The following CIBAR2 variants were observed in gnomAD, a reference collection of about 807,000 sequenced individuals.
CIBAR2 encodes CBY1 interacting BAR domain containing 2.
CIBAR2 carries 38 observed loss-of-function variants against 36.2 expected under a neutral mutation model. That is an observed-to-expected ratio of 1.05 (90% CI 0.81 to 1.38). The LOEUF is 1.38. Ranked by LOEUF, CIBAR2 falls within the 40% of genes most tolerant of loss-of-function variation. The pLI is 0.00. For synonymous variants in CIBAR2, 182 were observed against 149.5 expected (o/e 1.22, Z -1.58); for missense variants, 481 against 383.4 (o/e 1.25, Z -2.13).
intron 6 of CIBAR2, among the ~76,000 whole-genome samples, chr16:85,103,273 G>A (rs1350073747): frequency 2.0e-5 from 3 of 152,218 alleles, no homozygotes; most frequent in East Asian, 3.9e-4. Context: ...GGCCCTCCTC[G>A]GATGCTGAAT....
Position 85,112,467 on chromosome 16 carries a change from A to C in CIBAR2, c.-115T>G. ...GGTGCAGCTGTGTGGCCTGGGCTCAAGGGACGCTGCCACCCGGTTGCTAGG... is the reference window on the plus strand; with the variant it reads ...GGTGCAGCTGTGTGGCCTGGGCTCACGGGACGCTGCCACCCGGTTGCTAGG... On this transcript the variant is annotated 5_prime_UTR_variant, in exon 1 of 9. Transcript: ENST00000539556. The C allele has an allele frequency of 9.2e-7, 1 of 1,082,028 alleles. No individual in the cohort carries two copies. Among genetic ancestry groups the C allele is most frequent in the Non-Finnish European group, 1.4e-6 (1 of 709,558 alleles). 67.0% of individuals were successfully genotyped at this position (1,082,028 alleles called of 1,614,324 possible).
intron 1 of CIBAR2, 53 bp from the exon 2 acceptor site, chr16:85,110,513 G>T: frequency 7.3e-7 from 1 of 1,367,076 alleles, no homozygotes; most frequent in South Asian, 1.3e-5. Context: ...CAGGGCCCCG[G>T]TCATGCCAAG....
At chr16:85,100,485 G>A (rs914617263) in intron 7 of CIBAR2, among the ~76,000 whole-genome samples, 2 of 152,144 alleles carry the variant, frequency 1.3e-5, no homozygotes, top group Non-Finnish European at 2.9e-5. Context: ...CATGACCATC[G>A]TCACACAGGA....
chr16:85,102,492 A>G (rs2073963946), intron 6 of CIBAR2, among the ~76,000 whole-genome samples, 165 bp from the exon 7 acceptor site: 1 of 152,196 alleles, frequency 6.6e-6, no homozygotes, highest in African/African-American at 2.4e-5. Flanking sequence ...TTTCTTTCAT[A>G]GAGAACACAT....
Position 85,099,131 on chromosome 16 carries a change from C to A in CIBAR2, c.*54G>T, listed in dbSNP as rs565972727. 6.6e-5 allele frequency: 96 copies of A among 1,455,178 alleles called. No homozygotes were observed. The South Asian group carries it at 1.3e-3, about 20-fold the overall frequency. 90.1% of individuals were successfully genotyped at this position (1,455,178 alleles called of 1,614,324 possible). ...GAATCAGAAAATAAGAACAAAGCCTCCAGGCAGTCTGGGATTATTTTAAAC... is the reference window on the plus strand; with the variant it reads ...GAATCAGAAAATAAGAACAAAGCCTACAGGCAGTCTGGGATTATTTTAAAC... On this transcript the variant is annotated 3_prime_UTR_variant, in exon 9 of 9. Transcript: ENST00000539556.
Position 85,099,244 on chromosome 16 carries a change from GCTGCCCCTTAA to G in CIBAR2, c.845_855del (p.Val282AlafsTer23), listed in dbSNP as rs763083861. The G allele has an allele frequency of 2.0e-5, 32 of 1,612,086 alleles. No individual in the cohort carries two copies. In the East Asian group the frequency reaches 7.2e-4, roughly 36 times the overall value. On this transcript the variant is annotated frameshift_variant, in exon 9 of 9. Transcript: ENST00000539556. LOFTEE classifies it low-confidence loss of function (END_TRUNC). ...CCCTGCCCACACACACAGTGGGCTGGCTGCCCCTTAACCACCCACTCACAGAGACTAAACCT... is the reference window on the plus strand; with the variant it reads ...CCCTGCCCACACACACAGTGGGCTGGCCACCCACTCACAGAGACTAAACCT...
Position 85,102,272 on chromosome 16 carries a change from T to G in CIBAR2, c.593A>C (p.Glu198Ala), listed in dbSNP as rs750983575. The change falls in exon 7 of 9, where the codon GAG (glutamate) becomes GCG (alanine). Residue 198 changes from glutamate (E) to alanine (A), a missense_variant. Physicochemically the swap from Glu to Ala is moderately radical, Grantham distance 107 (BLOSUM62 -1). Coordinates refer to ENST00000539556, the MANE Select transcript of CIBAR2 (RefSeq NM_198491.3). ...GGTCTGGAAGGCGCTAGAATACACC[T>G]CCACCGCTTTGGCATGGAAAACCAT... ...IEMVFHAKAVEVYSSAFQTLE... is the reference protein window; with the variant it reads ...IEMVFHAKAVAVYSSAFQTLE... The G allele has an allele frequency of 1.2e-6, 2 of 1,613,816 alleles. No homozygotes were observed. Among genetic ancestry groups the G allele is most frequent in the Non-Finnish European group, 8.5e-7 (1 of 1,179,776 alleles).
In CIBAR2 at chr16:85,100,066, G is replaced by A. The variant is rs116062756; in HGVS notation, c.753+73C>T. ...CTCAGCCACCCTCCTCTAATCCCTG[G>A]GGTTACTACCACGGGCCTTCCAGGC... On this transcript the variant is annotated intron_variant, in intron 8 of 8. Coordinates refer to ENST00000539556, the MANE Select transcript of CIBAR2 (RefSeq NM_198491.3). 95 of 1,162,502 alleles carry A rather than the reference G, an allele frequency of 8.2e-5. No homozygotes were observed. The African/African-American group carries it at 1.3e-3, about 16-fold the overall frequency. 72.0% of individuals were successfully genotyped at this position (1,162,502 alleles called of 1,614,324 possible).
intron 2 of CIBAR2, 104 bp downstream of exon 2, chr16:85,110,122 C>T: frequency 1.3e-6 from 1 of 792,322 alleles, no homozygotes; most frequent in Admixed American, 2.6e-5. Flanking sequence ...GAGACACACC[C>T]ATTGGCTGTG....
At chr16:85,102,152 C>A (rs748038575) in intron 7 of CIBAR2, 62 bp downstream of exon 7, 50 of 958,548 alleles carry the variant, frequency 5.2e-5, no homozygotes, top group Admixed American at 2.5e-4. Flanking sequence ...TCTATCAAGA[C>A]AAAACCAAAA....
chr16:85,110,212 C>T lies in CIBAR2; in HGVS notation c.255+14G>A. 1.3e-6 allele frequency: 2 copies of T among 1,535,658 alleles called. No individual in the cohort carries two copies. The highest frequency in any genetic ancestry group is 1.2e-5 in the South Asian group (1 of 80,902). ...TACCCCTCAGCATCCCAGACCCGGG[C>T]CGGCAGCACTCACCTGGGCCTGCCG... On this transcript the variant is annotated intron_variant, in intron 2 of 8. Transcript: ENST00000539556.
Position 85,099,205 on chromosome 16 carries a change from G to A in CIBAR2, c.895C>T (p.Leu299Phe). The change falls in exon 9 of 9, where the codon CTT becomes TTT. Residue 299 changes from leucine to phenylalanine, a missense_variant. Coordinates refer to ENST00000539556, the MANE Select transcript of CIBAR2 (RefSeq NM_198491.3). The stretch of plus-strand genomic sequence containing the variant: ...CGTCGTTAGAGAGAATGTCCTGGAA[G>A]CATGAGATGCCCACCCTGCCCACAC... The part of the protein sequence containing the change: ...CVCGQGGHLM[L>F]PGHSL 6.3e-7 allele frequency: 1 copy of A among 1,595,758 alleles called. No individual in the cohort carries two copies. Among genetic ancestry groups the A allele is most frequent in the Non-Finnish European group, 8.5e-7 (1 of 1,172,048 alleles).
chr16:85,099,797 CTTTTTTT>C (rs71386075), intron 8 of CIBAR2, among the ~76,000 whole-genome samples: 9 of 77,532 alleles, frequency 1.2e-4, no homozygotes, highest in East Asian at 3.7e-4. Flanking sequence ...CTAATTTTTG[CTTTTTTT>C]TTTTTTTTTT....
At chr16:85,111,039 C>A (rs1157637922) in intron 1 of CIBAR2, among the ~76,000 whole-genome samples, 1 of 152,088 alleles carries the variant, frequency 6.6e-6, no homozygotes, top group Non-Finnish European at 1.5e-5. Flanking sequence ...ATCCGGCGCC[C>A]CCCTGCAGCA....
At chr16:85,104,206 C>T (rs998518893) in intron 6 of CIBAR2, among the ~76,000 whole-genome samples, 1 of 152,226 alleles carries the variant, frequency 6.6e-6, no homozygotes, top group Non-Finnish European at 1.5e-5. Flanking sequence ...GAGGCACCGA[C>T]TGGACGCAGA....
chr16:85,099,318 G>A lies in CIBAR2; in HGVS notation c.782C>T (p.Ala261Val). 1 of 1,601,890 alleles carries A rather than the reference G, an allele frequency of 6.2e-7. No individual in the cohort carries two copies. The highest frequency in any genetic ancestry group is 8.6e-7 in the Non-Finnish European group (1 of 1,168,834). The change falls in exon 9 of 9, where the codon GCA becomes GTA. Residue 261 changes from alanine to valine, a missense_variant. Coordinates refer to ENST00000539556, the MANE Select transcript of CIBAR2 (RefSeq NM_198491.3). The part of the protein sequence containing the change: ...QGTLQVQLSR[A>V]NEDPEHPHAN... ...ATGAGGATGTTCAGGGTCTTCATTTGCCCTACTCAGCTGGACCTGCAGAGT... is the reference window on the plus strand; with the variant it reads ...ATGAGGATGTTCAGGGTCTTCATTTACCCTACTCAGCTGGACCTGCAGAGT...
chr16:85,098,700 A>G lies in CIBAR2; in HGVS notation c.*485T>C. On this transcript the variant is annotated 3_prime_UTR_variant, in exon 9 of 9. Transcript: ENST00000539556. The stretch of plus-strand genomic sequence containing the variant: ...GAGCACTCTAAATAATAATAATAAT[A>G]AAACGACAGCAACATCAGTAATGAT... 1 of 895,176 alleles carries G rather than the reference A, an allele frequency of 1.1e-6. No homozygotes were observed. The highest frequency in any genetic ancestry group is 1.2e-4 in the East Asian group (1 of 8,354). 55.5% of individuals were successfully genotyped at this position (895,176 alleles called of 1,614,324 possible). A position where few individuals can be genotyped will look rare whatever the true frequency, so the allele number is the denominator to read the frequency against.
chr16:85,103,228 T>C (rs1281425780), intron 6 of CIBAR2, among the ~76,000 whole-genome samples: 1 of 152,166 alleles, frequency 6.6e-6, no homozygotes, highest in African/African-American at 2.4e-5. Context: ...TTCTGCCACA[T>C]GCGGACTCAT....
rs1454080100 is a variant in CIBAR2, at chr16:85,108,096, C to T, written c.259G>A (p.Glu87Lys). Residue 87 changes from glutamate to lysine, a missense_variant, in exon 3 of 9, where the codon GAG becomes AAG. Physicochemically the swap from Glu to Lys is moderately conservative, Grantham distance 56. Coordinates refer to ENST00000539556, the MANE Select transcript of CIBAR2 (RefSeq NM_198491.3). Reference protein sequence around the residue: ...KVQDYRQAQVERLETKVVNPL... With the variant: ...KVQDYRQAQVKRLETKVVNPL... ...TTGACCACCTTGGTCTCCAGCCTCT[C>T]GACCTGGGGGAGCGGGGACACCAGG... 9.3e-6 allele frequency: 15 copies of T among 1,610,498 alleles called. No individual in the cohort carries two copies. The highest frequency in any genetic ancestry group is 2.7e-5 in the African/African-American group (2 of 74,844).
Sources: allele counts gnomAD v4.1 joint callset (sites outside exome capture counted in the v4.1 genomes callset), GRCh38; gene constraint gnomAD v4.1.1; transcripts MANE v1.5; gene names NCBI Gene and HGNC (gene_info 2026-07-23, HGNC 2026-07-21).